Variants in FNDC7 observed in about 807,000 individuals in gnomAD.
FNDC7 encodes fibronectin type III domain containing 7.
In FNDC7, 66 loss-of-function variants were observed where a neutral mutation model predicts 74.2. That is an observed-to-expected ratio of 0.89 (90% CI 0.73 to 1.09). The LOEUF (loss-of-function observed/expected upper bound fraction) is 1.09. Ranked by LOEUF, FNDC7 falls within the 50% of genes least tolerant of loss-of-function variation. The probability of loss-of-function intolerance (pLI) is 0.00; values close to 1 mark genes in which losing one functional copy is unlikely to be tolerated. For missense variants in FNDC7, 829 were observed against 893.4 expected, an observed-to-expected ratio of 0.93 and a Z score of 0.92; for synonymous variants, 307 against 330.2, an observed-to-expected ratio of 0.93 and a Z score of 0.76.
chr1:108,737,033 T>A (rs1661532953), intron 10 of FNDC7, among the ~76,000 whole-genome samples: 1 of 136,400 alleles, frequency 7.3e-6, no homozygotes, highest in Non-Finnish European at 1.5e-5. Flanking sequence ...AATGGCGCAA[T>A]CTCAGCTCAC....
chr1:108,721,904 A>G (rs778750134), intron 4 of FNDC7, among the ~76,000 whole-genome samples: 1 of 152,236 alleles, frequency 6.6e-6, no homozygotes, highest in Admixed American at 6.5e-5. Flanking sequence ...GATCAATAAC[A>G]GAAAATATTT....
At chr1:108,714,073 A>G (rs142990397) in intron 2 of FNDC7, among the ~76,000 whole-genome samples, 130 of 152,338 alleles carry the variant, frequency 8.5e-4, no homozygotes, top group African/African-American at 3.0e-3. Context: ...TTTCTTGAGT[A>G]GATAACCGAA....
Position 108,733,516 on chromosome 1 carries a change from A to C in FNDC7, c.2124A>C (p.Pro708=), listed in dbSNP as rs1373278053. 6.2e-7 allele frequency: 1 copy of C among 1,600,044 alleles called. No homozygotes were observed. The highest frequency in any genetic ancestry group is 2.2e-5 in the East Asian group (1 of 44,624). ...CAGGATTGAAGCTTACTTTCTGTCC[A>C]AAAAAAATATATTCAGGTAAAGCAA... ...AKTGLKLTFC[P]KKIYSVTCSG... is the part of the protein sequence containing the mutation. The change falls in exon 10 of 13, where the codon CCA becomes CCC. Residue 708 remains proline, a synonymous_variant. Transcript: ENST00000370017.
intron 2 of FNDC7, 89 bp from the exon 3 acceptor site, chr1:108,717,688 G>C (rs143158427): frequency 2.9e-6 from 4 of 1,361,680 alleles, no homozygotes; most frequent in Non-Finnish European, 4.0e-6. Context: ...AGGAAGGCAT[G>C]AGAATGATTT....
intron 9 of FNDC7, among the ~76,000 whole-genome samples, chr1:108,732,144 G>A (rs573633613): frequency 1.3e-5 from 2 of 152,046 alleles, no homozygotes; most frequent in Non-Finnish European, 1.5e-5. Flanking sequence ...CGGATCACGA[G>A]GTCAGGAGAT....
At chr1:108,733,646 T>TTTA in intron 10 of FNDC7, 114 bp downstream of exon 10, 4 of 903,332 alleles carry the variant, frequency 4.4e-6, no homozygotes, top group African/African-American at 2.1e-5. Context: ...ATAAAATTTC[T>TTTA]TTCTTTTTTT....
At position 108,717,790 on chromosome 1, in the gene FNDC7, C is replaced by T; in HGVS notation, c.96C>T (p.Pro32=). Residue 32 remains proline, a synonymous_variant, in exon 3 of 13, where the codon CCC becomes CCT. Transcript: ENST00000370017. ...VASAKSAPEI[P]TIDQAYSKLS... is the part of the protein sequence containing the mutation. ...AACCTCTTTCAGCTCCTGAAATACCCACTATTGATCAGGCATATTCAAAAC... is the reference window on the plus strand; with the variant it reads ...AACCTCTTTCAGCTCCTGAAATACCTACTATTGATCAGGCATATTCAAAAC... The T allele has an allele frequency of 2.6e-6, 4 of 1,551,694 alleles. No individual in the cohort carries two copies. The highest frequency in any genetic ancestry group is 3.5e-6 in the Non-Finnish European group (4 of 1,146,990).
rs376921277 is a variant in FNDC7, at chr1:108,741,858, G to A, written c.*37+17G>A. Reference sequence around the variant, plus strand: ...CTTGACCAAGTGAGTAACGTAAATTGATTTTGTGTGATTTTATGGCAAAGT... The same window carrying A: ...CTTGACCAAGTGAGTAACGTAAATTAATTTTGTGTGATTTTATGGCAAAGT... On this transcript the variant is annotated intron_variant, in intron 12 of 12. Transcript: ENST00000370017. 3 of 1,569,784 alleles carry A rather than the reference G, an allele frequency of 1.9e-6. No individual in the cohort carries two copies. The African/African-American group carries it at 4.1e-5, about 21-fold the overall frequency.
At chr1:108,741,500 A>G (rs1661646297) in intron 11 of FNDC7, among the ~76,000 whole-genome samples, 1 of 152,172 alleles carries the variant, frequency 6.6e-6, no homozygotes, top group Admixed American at 6.5e-5. Context: ...GTGAAAAGGA[A>G]AGTCCTTTTG....
At chr1:108,721,588 G>A (rs1195820425) in intron 4 of FNDC7, among the ~76,000 whole-genome samples, 1 of 152,204 alleles carries the variant, frequency 6.6e-6, no homozygotes, top group East Asian at 1.9e-4. Flanking sequence ...CGTTATTACA[G>A]TACAGATTCC....
At chr1:108,737,447 T>C (rs752214380) in intron 10 of FNDC7, 48 bp from the exon 11 acceptor site, 1 of 1,477,776 alleles carries the variant, frequency 6.8e-7, no homozygotes, top group Non-Finnish European at 9.2e-7. Context: ...CTATCTTAAA[T>C]ACATAAATGA....
chr1:108,735,834 C>A (rs991470630), intron 10 of FNDC7, among the ~76,000 whole-genome samples: 1 of 151,850 alleles, frequency 6.6e-6, no homozygotes, highest in African/African-American at 2.4e-5. Flanking sequence ...GAGAAAGGGT[C>A]TTGCTTTTTC....
At chr1:108,735,784 A>T (rs1661499129) in intron 10 of FNDC7, among the ~76,000 whole-genome samples, 1 of 58,708 alleles carries the variant, frequency 1.7e-5, no homozygotes, top group Admixed American at 1.1e-4. Flanking sequence ...GGACAGAGAA[A>T]TTGTTTTTTT....
intron 10 of FNDC7, among the ~76,000 whole-genome samples, chr1:108,735,360 G>T (rs11102324): frequency 6.6e-6 from 1 of 151,826 alleles, no homozygotes; most frequent in Non-Finnish European, 1.5e-5. Context: ...CCAGGACACT[G>T]GTCCAATTGT....
Position 108,728,779 on chromosome 1 carries a change from C to T in FNDC7, c.1517C>T (p.Ser506Phe). Residue 506 changes from serine (S) to phenylalanine (F), a missense_variant, in exon 8 of 13, where the codon TCC (serine) becomes TTC (phenylalanine). Coordinates refer to ENST00000370017, the MANE Select transcript of FNDC7 (RefSeq NM_001144937.3). ...TATCAGTGCAGCAGCACAGGAGAGT[C>T]CTGCACCATGCGGGGCTTGCCCTGT... ...GLYQCSSTGE[S>F]CTMRGLPCGS... 6.2e-7 allele frequency: 1 copy of T among 1,614,266 alleles called. No individual in the cohort carries two copies. The highest frequency in any genetic ancestry group is 8.5e-7 in the Non-Finnish European group (1 of 1,180,048).
Position 108,722,551 on chromosome 1 carries a change from C to A in FNDC7, c.815C>A (p.Ala272Asp). 3.1e-6 allele frequency: 5 copies of A among 1,614,102 alleles called. No homozygotes were observed. The highest frequency in any genetic ancestry group is 4.2e-6 in the Non-Finnish European group (5 of 1,179,976). The part of the protein sequence containing the change: ...YLISVLASND[A>D]GSSKSSSAMT... ...ATTTCAGTTTTAGCAAGTAATGATGCTGGATCTAGCAAATCATCTTCAGCA... is the reference window on the plus strand; with the variant it reads ...ATTTCAGTTTTAGCAAGTAATGATGATGGATCTAGCAAATCATCTTCAGCA... The change falls in exon 5 of 13, where the codon GCT (alanine) becomes GAT (aspartate). Residue 272 changes from alanine (A) to aspartate (D), a missense_variant. By Grantham distance (126) the Ala-to-Asp change is moderately radical. Transcript: ENST00000370017.
Position 108,733,418 on chromosome 1 carries a change from C to A in FNDC7, c.2026C>A (p.Leu676Ile). The change falls in exon 10 of 13, where the codon CTC becomes ATC. Residue 676 changes from leucine (L) to isoleucine (I), a missense_variant. Transcript: ENST00000370017. ...TTTCACGTGCACCCCGAGTGCTGGC[C>A]TCAGTTTCTGTGATGTCACTGAGAT... ...GIFTCTPSAG[L>I]SFCDVTEIPC... 1.9e-6 allele frequency: 3 copies of A among 1,614,106 alleles called. No individual in the cohort carries two copies. The highest frequency in any genetic ancestry group is 2.5e-6 in the Non-Finnish European group (3 of 1,180,026).
intron 8 of FNDC7, among the ~76,000 whole-genome samples, chr1:108,729,754 A>G (rs1661302635): frequency 6.6e-6 from 1 of 152,212 alleles, no homozygotes; most frequent in Admixed American, 6.5e-5. Flanking sequence ...AATCACTTCA[A>G]GCCTGTGGAC....
Position 108,735,600 on chromosome 1 carries a change from A to G in FNDC7, c.2141-1895A>G, listed in dbSNP as rs183666985. 3.3e-3 allele frequency among the ~76,000 whole-genome samples: 505 copies of G among 152,324 alleles called. 1 individual carries two copies. Among genetic ancestry groups the G allele is most frequent in the African/African-American group, 0.012 (491 of 41,554 alleles). Reference sequence around the variant, plus strand: ...TTAATTTCATAATATATTTTAGTTAACCCAATATATCCAAAATATTATCAT... The same window carrying G: ...TTAATTTCATAATATATTTTAGTTAGCCCAATATATCCAAAATATTATCAT... On this transcript the variant is annotated intron_variant, in intron 10 of 12. Transcript: ENST00000370017.
Sources: gnomAD v4.1 joint callset for allele counts (sites outside exome capture counted in the v4.1 genomes callset) on GRCh38, gnomAD v4.1.1 for gene constraint, MANE v1.5 for transcripts, NCBI Gene and HGNC (gene_info 2026-07-23, HGNC 2026-07-21) for gene names.